The following LRP1 variants were observed in gnomAD, a reference collection of about 807,000 sequenced individuals.
The protein encoded by LRP1 is LDL receptor related protein 1.
Under a neutral mutation model 541.5 loss-of-function variants are expected in LRP1, and 51 were observed. The ratio of observed to expected loss-of-function variants is 0.09; its 90% CI spans 0.08 to 0.12. LRP1 has a LOEUF of 0.12. Ranked by LOEUF, LRP1 falls within the 10% of genes least tolerant of loss-of-function variation. LRP1 has a pLI of 1.00. For missense variants in LRP1, 3,878 were observed against 6,376.2 expected (o/e 0.61, Z 13.34); for synonymous variants, 2,219 against 2,470.8 (o/e 0.90, Z 3.02).
chr12:57,193,473 G>T, intron 46 of LRP1, 93 bp from the exon 47 acceptor site: 3 of 1,541,568 alleles, frequency 1.9e-6, no homozygotes, highest in South Asian at 1.2e-5. Context: ...TTTGGGTTTG[G>T]GGGTGGCCAG....
intron 4 of LRP1, 60 bp downstream of exon 4, chr12:57,143,858 A>G: frequency 6.5e-7 from 1 of 1,547,278 alleles, no homozygotes; most frequent in Non-Finnish European, 8.8e-7. Flanking sequence ...TGAGGTGGGC[A>G]GGGAGGGGCA....
At chr12:57,153,614 G>A (rs1397914029) in intron 6 of LRP1, among the ~76,000 whole-genome samples, 3 of 152,168 alleles carry the variant, frequency 2.0e-5, no homozygotes, top group Admixed American at 6.6e-5. Flanking sequence ...CTGGGGCTGA[G>A]TAGAGGAAGT....
chr12:57,205,079 C>A lies in LRP1; in HGVS notation c.11195-30C>A, dbSNP rs1223878188. On this transcript the variant is annotated intron_variant, in intron 72 of 88. Transcript: ENST00000243077. This position sits in a 1 kb window ranked among gnomAD's most constrained non-coding sequence, Gnocchi z 4.6. ...TGGGAGGAGGAGGCAGGGGAGAATA[C>A]CCAGGGCCTAAAGCCTCTGCCCTCC... 2 of 1,596,900 alleles carry A rather than the reference C, an allele frequency of 1.3e-6. No individual in the cohort carries two copies. Among genetic ancestry groups the A allele is most frequent in the East Asian group, 4.5e-5 (2 of 44,602 alleles).
In LRP1 at chr12:57,173,446, G is replaced by A; in HGVS notation, c.3346+96G>A. 1 of 1,335,202 alleles carries A rather than the reference G, an allele frequency of 7.5e-7. No individual in the cohort carries two copies. The highest frequency in any genetic ancestry group is 1.0e-6 in the Non-Finnish European group (1 of 964,814). The allele number at this position is 1,335,202 out of a possible 1,614,324, so 82.7% of individuals were successfully genotyped here. On this transcript the variant is annotated intron_variant, in intron 21 of 88. Coordinates refer to ENST00000243077, the MANE Select transcript of LRP1 (RefSeq NM_002332.3). This position sits in a 1 kb window ranked among gnomAD's most constrained non-coding sequence, Gnocchi z 4.7. ...GTAGCGGCAAAGGGGATGGCACTGT[G>A]CTGTGTGGAGTGGTGCTGGGGACAG... is the stretch of plus-strand genomic sequence containing the variant.
Position 57,197,409 on chromosome 12 carries a change from C to T in LRP1, c.9162+25C>T, listed in dbSNP as rs370300666. 350 of 1,610,118 alleles carry T rather than the reference C, an allele frequency of 2.2e-4. No homozygotes were observed. In the African/African-American group the frequency reaches 2.4e-3, roughly 11 times the overall value. On this transcript the variant is annotated intron_variant, in intron 57 of 88. Transcript: ENST00000243077. The surrounding 1 kb of genome is among the most constrained non-coding windows in gnomAD (Gnocchi z 4.5). Reference sequence around the variant, plus strand: ...GGTACCAAACCCAGGCCCTCCTCCCCGCTGCCCATCTCCCAGACCCAGCAC... The same window carrying T: ...GGTACCAAACCCAGGCCCTCCTCCCTGCTGCCCATCTCCCAGACCCAGCAC...
At position 57,173,450 on chromosome 12, in the gene LRP1, T is replaced by G; in HGVS notation, c.3346+100T>G. 2 of 1,298,826 alleles carry G rather than the reference T, an allele frequency of 1.5e-6. No individual in the cohort carries two copies. The highest frequency in any genetic ancestry group is 2.1e-6 in the Non-Finnish European group (2 of 936,478). The allele number at this position is 1,298,826 out of a possible 1,614,324, so 80.5% of individuals were successfully genotyped here. A position where few individuals can be genotyped will look rare whatever the true frequency, so the allele number is the denominator to read the frequency against. On this transcript the variant is annotated intron_variant, in intron 21 of 88. Coordinates refer to ENST00000243077, the MANE Select transcript of LRP1 (RefSeq NM_002332.3). This position sits in a 1 kb window ranked among gnomAD's most constrained non-coding sequence, Gnocchi z 4.7. ...CGGCAAAGGGGATGGCACTGTGCTG[T>G]GTGGAGTGGTGCTGGGGACAGTGCA...
Position 57,166,089 on chromosome 12 carries a change from C to T in LRP1, c.2677C>T (p.His893Tyr), listed in dbSNP as rs1217038214. 3 of 1,614,106 alleles carry T rather than the reference C, an allele frequency of 1.9e-6. No homozygotes were observed. Among genetic ancestry groups the T allele is most frequent in the Non-Finnish European group, 2.5e-6 (3 of 1,180,032 alleles). ...SDEAPALCHQ[H>Y]TCPSDRFKCE... ...CTGACTCATTCCCTCCCCAGATCAG[C>T]ACACCTGCCCCTCGGACCGATTCAA... The change falls in exon 17 of 89, where the codon CAC becomes TAC. Residue 893 changes from histidine to tyrosine, a missense_variant. By Grantham distance (83) the His-to-Tyr change is moderately conservative. Coordinates refer to ENST00000243077, the MANE Select transcript of LRP1 (RefSeq NM_002332.3).
Position 57,200,826 on chromosome 12 carries a change from G to GGGGGGGGGC in LRP1, c.10225+11_10225+12insGGGGGGGGC. 27 of 1,581,048 alleles carry GGGGGGGGGC rather than the reference G, an allele frequency of 1.7e-5. No individual in the cohort carries two copies. The highest frequency in any genetic ancestry group is 2.2e-5 in the Non-Finnish European group (26 of 1,157,322). On this transcript the variant is annotated intron_variant, in intron 64 of 88. Coordinates refer to ENST00000243077, the MANE Select transcript of LRP1 (RefSeq NM_002332.3). ...ACGAGGCCAACTGTGGTAAGGCGCT[G>GGGGGGGGGC]CCCGCCCACCCTCCCTCCTTCCCCA...
At position 57,156,210 on chromosome 12, in the gene LRP1, C is replaced by G. The variant is rs150414361; in HGVS notation, c.1344C>G (p.Thr448=). 3.7e-6 allele frequency: 6 copies of G among 1,614,042 alleles called. No individual in the cohort carries two copies. The highest frequency in any genetic ancestry group is 5.1e-6 in the Non-Finnish European group (6 of 1,180,038). ...TCCGTGTGAACCGCTTTAACAGCAC[C>G]GAGTACCAGGTTGTCACCCGGGTGG... ...SVIRVNRFNS[T]EYQVVTRVDK... The change falls in exon 9 of 89, where the codon ACC becomes ACG. Residue 448 remains threonine (T), a synonymous_variant. Coordinates refer to ENST00000243077, the MANE Select transcript of LRP1 (RefSeq NM_002332.3). This position sits in a 1 kb window ranked among gnomAD's most constrained non-coding sequence, Gnocchi z 5.2.
In LRP1 at chr12:57,158,767, G is replaced by A. The variant is rs150986532; in HGVS notation, c.1798+129G>A. 44 of 846,534 alleles carry A rather than the reference G, an allele frequency of 5.2e-5. No homozygotes were observed. The highest frequency in any genetic ancestry group is 1.5e-4 in the Admixed American group (7 of 45,620). The allele number at this position is 846,534 out of a possible 1,614,324, so 52.4% of individuals were successfully genotyped here. The stretch of plus-strand genomic sequence containing the variant: ...TGGCTGCACTGGTTGGCATGGAGAT[G>A]AGGGGATAGACAGATTGACCCCTGT... On this transcript the variant is annotated intron_variant, in intron 11 of 88. Coordinates refer to ENST00000243077, the MANE Select transcript of LRP1 (RefSeq NM_002332.3). This position sits in a 1 kb window ranked among gnomAD's most constrained non-coding sequence, Gnocchi z 5.3.
chr12:57,141,449 C>T lies in LRP1; in HGVS notation c.266C>T (p.Ser89Phe), dbSNP rs1301258647. 3.7e-6 allele frequency: 6 copies of T among 1,614,172 alleles called. No homozygotes were observed. In the South Asian group the frequency reaches 6.6e-5, roughly 18 times the overall value. ...GGTACTGAGCTGTGTGTTCCCATGTCCCGCCTCTGCAATGGGGTCCAGGAC... is the reference window on the plus strand; with the variant it reads ...GGTACTGAGCTGTGTGTTCCCATGTTCCGCCTCTGCAATGGGGTCCAGGAC... ...CLGTELCVPM[S>F]RLCNGVQDCM... Residue 89 changes from serine (S) to phenylalanine (F), a missense_variant, in exon 3 of 89, where the codon TCC becomes TTC. Around this residue, in one of 13 missense-constraint regions of LRP1, gnomAD observed 293 missense variants for 403.7 expected, o/e 0.73. Coordinates refer to ENST00000243077, the MANE Select transcript of LRP1 (RefSeq NM_002332.3).
chr12:57,193,083 C>A (rs761815038), intron 45 of LRP1, 93 bp from the exon 46 acceptor site: 2 of 1,582,698 alleles, frequency 1.3e-6, no homozygotes, highest in Non-Finnish European at 1.7e-6. Flanking sequence ...GCCAAGAAGA[C>A]GCTGATGATG....
At chr12:57,209,404 T>G (rs1298519148) in intron 79 of LRP1, among the ~76,000 whole-genome samples, 2 of 152,240 alleles carry the variant, frequency 1.3e-5, no homozygotes, top group East Asian at 3.8e-4. Flanking sequence ...CTGGCCTACT[T>G]GTCCATTCAT....
intron 1 of LRP1, among the ~76,000 whole-genome samples, chr12:57,136,395 G>GCCCCCCCCCCCC (rs35376308): frequency 4.0e-5 from 4 of 99,104 alleles, no homozygotes; most frequent in Admixed American, 1.3e-4. Flanking sequence ...CCTCCTAAGA[G>GCCCCCCCCCCCC]CCCCCCCCCC....
rs138150221 is a variant in LRP1, at chr12:57,195,873, C to T, written c.8571C>T (p.Thr2857=). ...CCATTCCTCCCCCAGAGTACCCGAC[C>T]TGCGGCCCCAGTGAGTTCCGCTGTG... ...SDESPECEYP[T]CGPSEFRCAN... is the part of the protein sequence containing the mutation. Residue 2857 remains threonine (T), a synonymous_variant, in exon 54 of 89, where the codon ACC becomes ACT. Coordinates refer to ENST00000243077, the MANE Select transcript of LRP1 (RefSeq NM_002332.3). The T allele has an allele frequency of 6.2e-7, 1 of 1,613,814 alleles. No individual in the cohort carries two copies. Among genetic ancestry groups the T allele is most frequent in the African/African-American group, 1.3e-5 (1 of 74,922 alleles).
chr12:57,138,709 A>G lies in LRP1; in HGVS notation c.190+128A>G, dbSNP rs147863058. On this transcript the variant is annotated intron_variant, in intron 2 of 88. Transcript: ENST00000243077. The stretch of plus-strand genomic sequence containing the variant: ...CCTTGCTCAGTGATTGTATTTGTCC[A>G]TGACACAGCTAAAACTGTCCTTTAC... 5,535 of 1,322,906 alleles carry G rather than the reference A, an allele frequency of 4.2e-3. 17 individuals carry two copies. Among genetic ancestry groups the G allele is most frequent in the Middle Eastern group, 7.4e-3 (30 of 4,036 alleles). The allele number at this position is 1,322,906 out of a possible 1,614,324, so 81.9% of individuals were successfully genotyped here. A position where few individuals can be genotyped will look rare whatever the true frequency, so the allele number is the denominator to read the frequency against.
chr12:57,141,365 T>C lies in LRP1; in HGVS notation c.191-9T>C, dbSNP rs1285277795. ...GCTTGTTCATGCCCACCCTTCTGTCTGCCCTCAGGTCCACAGAGTAAGGCC... is the reference window on the plus strand; with the variant it reads ...GCTTGTTCATGCCCACCCTTCTGTCCGCCCTCAGGTCCACAGAGTAAGGCC... On this transcript the variant is annotated splice_polypyrimidine_tract_variant and intron_variant, in intron 2 of 88. Coordinates refer to ENST00000243077, the MANE Select transcript of LRP1 (RefSeq NM_002332.3). 50 of 1,613,986 alleles carry C rather than the reference T, an allele frequency of 3.1e-5. No homozygotes were observed. Among genetic ancestry groups the C allele is most frequent in the Non-Finnish European group, 4.2e-5 (49 of 1,180,004 alleles).
In LRP1 at chr12:57,179,503, C is replaced by T. The variant is rs1292317097; in HGVS notation, c.4913C>T (p.Ala1638Val). 2 of 1,614,102 alleles carry T rather than the reference C, an allele frequency of 1.2e-6. No individual in the cohort carries two copies. The highest frequency in any genetic ancestry group is 1.3e-5 in the African/African-American group (1 of 74,940). ...TACTGGTCTGACGTGCGGACACAGG[C>T]CATCAAGCGGGCCTTCATCAACGGC... is the stretch of plus-strand genomic sequence containing the variant. ...RVYWSDVRTQ[A>V]IKRAFINGTG... Residue 1638 changes from alanine (A) to valine (V), a missense_variant, in exon 29 of 89, where the codon GCC (alanine) becomes GTC (valine). This residue lies in a region of LRP1 where 394 missense variants were observed against 635.9 expected (regional missense o/e 0.62). Transcript: ENST00000243077. This position sits in a 1 kb window ranked among gnomAD's most constrained non-coding sequence, Gnocchi z 6.8.
chr12:57,210,529 CCCCG>C, intron 82 of LRP1, 49 bp downstream of exon 82: 1 of 1,489,036 alleles, frequency 6.7e-7, no homozygotes, highest in Non-Finnish European at 9.0e-7. Flanking sequence ...TGGGCCCCAG[CCCCG>C]CCACCCACCA....
Sources: gnomAD v4.1 joint callset for allele counts (sites outside exome capture counted in the v4.1 genomes callset) on GRCh38, gnomAD v4.1.1 for gene constraint, gnomAD v4.1.1 regional missense constraint, Gnocchi (gnomAD v3.1) non-coding constraint, MANE v1.5 for transcripts, NCBI Gene and HGNC (gene_info 2026-07-23, HGNC 2026-07-21) for gene names.